TMEM132D: variants seen among roughly 807,000 people sequenced by gnomAD.
TMEM132D encodes the protein mature OL transmembrane protein.
A neutral mutation model predicts 62.3 loss-of-function variants in TMEM132D; 21 were observed. The observed-to-expected ratio is 0.34, with a 90% CI of 0.24 to 0.49. The LOEUF (loss-of-function observed/expected upper bound fraction) is 0.49, where lower values mean the gene tolerates loss of function less well. TMEM132D is among the 20% of genes least tolerant of loss of function. The pLI is 0.99. For synonymous variants in TMEM132D, 621 were observed against 575.6 expected (o/e 1.08, Z -1.13); for missense variants, 1,346 against 1,402.8 (o/e 0.96, Z 0.65).
At chr12:129,773,759 TC>T (rs1330338259) in intron 1 of TMEM132D, among the ~76,000 whole-genome samples, 16 of 152,136 alleles carry the variant, frequency 1.1e-4, no homozygotes, top group Admixed American at 1.0e-3. Context: ...ACCAGGACAT[TC>T]TTGGTTGGAA....
chr12:129,132,788 A>G (rs375062398), intron 5 of TMEM132D, among the ~76,000 whole-genome samples: 105 of 152,304 alleles, frequency 6.9e-4, no homozygotes, highest in African/African-American at 2.5e-3. Flanking sequence ...TCAGACTTCA[A>G]TGAACCTGGG....
chr12:129,547,943 CT>C (rs1187755652), intron 2 of TMEM132D, among the ~76,000 whole-genome samples: 1 of 152,100 alleles, frequency 6.6e-6, no homozygotes, highest in Non-Finnish European at 1.5e-5. Context: ...TGTGCTGTTA[CT>C]TTTGGTCACT....
At chr12:129,736,127 T>C (rs890539313) in intron 1 of TMEM132D, among the ~76,000 whole-genome samples, 1 of 2,004 alleles carries the variant, frequency 5.0e-4, no homozygotes, top group African/African-American at 5.6e-4. Context: ...TTCATTTCCA[T>C]TGTTTCCTTT....
rs78839187 is a variant in TMEM132D at position 129,500,295 on chromosome 12, G to C, written c.1115+30764C>G. Among the ~76,000 whole-genome samples the C allele has an allele frequency of 4.2e-3, 618 of 147,554 alleles. 3 individuals carry two copies. Among genetic ancestry groups the C allele is most frequent in the African/African-American group, 0.014 (551 of 39,636 alleles). On this transcript the variant is annotated intron_variant, in intron 3 of 8. Coordinates refer to ENST00000422113, the MANE Select transcript of TMEM132D (RefSeq NM_133448.3). ...TCCGACAAATACCCTGAGCGGGGAG[G>C]CAATTCACCTGACCTCATCTGTCCC...
chr12:129,831,832 C>CGT lies in TMEM132D; in HGVS notation c.79+71427_79+71428dup, dbSNP rs1483507254. On this transcript the variant is annotated intron_variant, in intron 1 of 8. Coordinates refer to ENST00000422113, the MANE Select transcript of TMEM132D (RefSeq NM_133448.3). ...TGTGCATGACCTCCAAATAAGCACA[C>CGT]GTTGAAGCATTTTTTTTTCTTTTCT... 2.0e-5 allele frequency among the ~76,000 whole-genome samples: 3 copies of CGT among 151,524 alleles called. No individual in the cohort carries two copies. The East Asian group carries it at 6.0e-4, about 30-fold the overall frequency.
At chr12:129,148,836 T>G (rs1191474460) in intron 5 of TMEM132D, among the ~76,000 whole-genome samples, 1 of 41,722 alleles carries the variant, frequency 2.4e-5, no homozygotes, top group South Asian at 8.9e-4. Flanking sequence ...GCCCCCACCC[T>G]CCCCAAGAGG....
intron 3 of TMEM132D, among the ~76,000 whole-genome samples, chr12:129,449,884 G>A (rs751988284): frequency 3.3e-5 from 5 of 152,192 alleles, no homozygotes; most frequent in East Asian, 1.9e-4. Context: ...AAGTGAGTCC[G>A]TGGGTCTTGT....
intron 2 of TMEM132D, among the ~76,000 whole-genome samples, chr12:129,579,709 A>G (rs155685): frequency 0.84 from 127,511 of 152,180 alleles, 53,558 homozygotes; most frequent in East Asian, 0.96. Flanking sequence ...GCTGGCAGTC[A>G]AATGGATGGT....
At chr12:129,285,526 C>CAAAAAAAAAA (rs1555244565) in intron 4 of TMEM132D, among the ~76,000 whole-genome samples, 1 of 40,932 alleles carries the variant, frequency 2.4e-5, no homozygotes, top group Admixed American at 4.1e-4. Context: ...GACTGTGTCT[C>CAAAAAAAAAA]AAAAAAAAAA....
intron 4 of TMEM132D, among the ~76,000 whole-genome samples, chr12:129,311,249 A>G (rs1566029494): frequency 6.6e-6 from 1 of 150,758 alleles, no homozygotes; most frequent in Non-Finnish European, 1.5e-5. Context: ...ACAGGACAGA[A>G]AGTGATCAAA....
chr12:129,600,723 A>G (rs1250671819), intron 2 of TMEM132D, among the ~76,000 whole-genome samples: 2 of 152,220 alleles, frequency 1.3e-5, no homozygotes, highest in African/African-American at 4.8e-5. Flanking sequence ...GAGCAGTAAC[A>G]TTGTTAAAGG....
At chr12:129,392,985 C>T (rs1871329460) in intron 3 of TMEM132D, among the ~76,000 whole-genome samples, 1 of 152,190 alleles carries the variant, frequency 6.6e-6, no homozygotes, top group African/African-American at 2.4e-5. Context: ...CTCTACTTGC[C>T]TCCAATCTAC....
At chr12:129,075,318 CTT>C (rs541888959) in intron 8 of TMEM132D, among the ~76,000 whole-genome samples, 1 of 143,552 alleles carries the variant, frequency 7.0e-6, no homozygotes, top group East Asian at 2.0e-4. Flanking sequence ...AGAAGATTTG[CTT>C]TTTTTTTTTT....
intron 3 of TMEM132D, among the ~76,000 whole-genome samples, chr12:129,466,131 T>G (rs11060361): frequency 0.22 from 34,216 of 152,108 alleles, 4,040 homozygotes; most frequent in East Asian, 0.35. Context: ...GATTTATTAT[T>G]GATAATGCTT....
intron 2 of TMEM132D, among the ~76,000 whole-genome samples, chr12:129,631,042 C>T (rs112276377): frequency 5.3e-4 from 81 of 152,212 alleles, no homozygotes; most frequent in African/African-American, 1.8e-3. Context: ...TTCTCTTAAT[C>T]CTGATGGTGA....
At chr12:129,588,450 A>T (rs551213810) in intron 2 of TMEM132D, among the ~76,000 whole-genome samples, 2 of 152,360 alleles carry the variant, frequency 1.3e-5, no homozygotes, top group Admixed American at 1.3e-4. Context: ...TTTGGTGTAA[A>T]TATAAATGCC....
At chr12:129,651,669 T>C (rs888738105) in intron 2 of TMEM132D, among the ~76,000 whole-genome samples, 4 of 152,158 alleles carry the variant, frequency 2.6e-5, no homozygotes, top group African/African-American at 9.7e-5. Context: ...ATGGTAAAAT[T>C]AGCAGAGTTA....
chr12:129,233,060 A>G (rs1204277118), intron 4 of TMEM132D, among the ~76,000 whole-genome samples: 1 of 152,138 alleles, frequency 6.6e-6, no homozygotes, highest in African/African-American at 2.4e-5. Flanking sequence ...CTCCACCACA[A>G]TGCCTCCTTT....
intron 2 of TMEM132D, among the ~76,000 whole-genome samples, chr12:129,560,270 C>CTTT (rs3046687): frequency 4.4e-4 from 64 of 146,138 alleles, no homozygotes; most frequent in African/African-American, 1.4e-3. Flanking sequence ...CTTTTGTTTT[C>CTTT]TTTTTTTTTT....
Sources: allele counts gnomAD v4.1 joint callset (sites outside exome capture counted in the v4.1 genomes callset), GRCh38; gene constraint gnomAD v4.1.1; transcripts MANE v1.5; gene names NCBI Gene and HGNC (gene_info 2026-07-23, HGNC 2026-07-21).